ZNF550: variants seen among roughly 807,000 people sequenced by gnomAD.
The protein encoded by ZNF550 is zinc finger protein 550.
ZNF550 carries 42 observed loss-of-function variants against 40.2 expected under a neutral mutation model. That is an observed-to-expected ratio of 1.05 (90% CI 0.82 to 1.35). The LOEUF (loss-of-function observed/expected upper bound fraction) is 1.35, where lower values mean the gene tolerates loss of function less well. Among genes scored for constraint, ZNF550 ranks in the 40% most tolerant of loss-of-function variants. The pLI, the probability that ZNF550 is intolerant of heterozygous loss-of-function variation, is 0.00. For missense variants in ZNF550, 549 were observed against 525.2 expected (o/e 1.05, Z -0.44); for synonymous variants, 223 against 198.6 (o/e 1.12, Z -1.03).
chr19:57,556,838 G>C, intron 1 of ZNF550: 1 of 166,954 alleles, frequency 6.0e-6, no homozygotes, highest in Non-Finnish European at 1.3e-5. Context: ...TGTAACCCTA[G>C]CCCCAACCCT....
rs546650225 is a variant in ZNF550, at chr19:57,550,322, T to G, written c.250+2305A>C. The stretch of plus-strand genomic sequence containing the variant: ...GACTCCACCAGTCATCTCCTGGGTG[T>G]ATATGCAACAGAAATGAGTGTTTAT... On this transcript the variant is annotated intron_variant, in intron 3 of 4. Coordinates refer to ENST00000457177, the Ensembl canonical transcript of ZNF550. 5.3e-5 allele frequency among the ~76,000 whole-genome samples: 8 copies of G among 152,346 alleles called. No homozygotes were observed. In the South Asian group the frequency reaches 1.7e-3, roughly 32 times the overall value.
At chr19:57,547,506 G>T in exon 4 of ZNF550, 1 of 1,613,928 alleles carries the variant, frequency 6.2e-7, no homozygotes, top group Non-Finnish European at 8.5e-7. Context: ...AGTGCCGAAT[G>T]AGAGTTGAGC....
exon 4 of ZNF550, chr19:57,546,608 CAGAT>C (rs1450827422): frequency 7.5e-5 from 76 of 1,015,634 alleles, no homozygotes; most frequent in Middle Eastern, 9.8e-4. Context: ...TTATGATTCT[CAGAT>C]AGTAAGATTT....
chr19:57,555,552 TG>T (rs1482564951), intron 2 of ZNF550: 1 of 153,598 alleles, frequency 6.5e-6, no homozygotes, highest in Non-Finnish European at 1.4e-5. Context: ...TTGGCCAGGT[TG>T]GTATTGAACT....
At chr19:57,543,507 G>C (rs530242410) in intron 4 of ZNF550, 1 of 607,152 alleles carries the variant, frequency 1.6e-6, no homozygotes, top group African/African-American at 2.0e-5. Context: ...TGATTGAAGT[G>C]CACCAACTGT....
chr19:57,545,046 C>G (rs570307534), intron 4 of ZNF550, among the ~76,000 whole-genome samples: 1 of 152,120 alleles, frequency 6.6e-6, no homozygotes, highest in Non-Finnish European at 1.5e-5. Context: ...CGCTTGAACC[C>G]GGGAGGCAGA....
intron 1 of ZNF550, among the ~76,000 whole-genome samples, chr19:57,558,944 G>A (rs1016505890): frequency 2.6e-5 from 4 of 152,248 alleles, no homozygotes; most frequent in African/African-American, 9.6e-5. Flanking sequence ...AAAATATACT[G>A]TTAGTTGCAA....
intron 3 of ZNF550, among the ~76,000 whole-genome samples, chr19:57,551,447 G>A (rs1011673600): frequency 6.6e-6 from 1 of 151,338 alleles, no homozygotes; most frequent in Non-Finnish European, 1.5e-5. Context: ...AAGGAGCCAA[G>A]GGAAGCAGTG....
At chr19:57,547,274 A>G in exon 4 of ZNF550, 1 of 1,614,106 alleles carries the variant, frequency 6.2e-7, no homozygotes, top group Non-Finnish European at 8.5e-7. Context: ...CTATTGCTAA[A>G]GGCTTTCTCA....
chr19:57,547,163 G>A, exon 4 of ZNF550: 1 of 1,611,424 alleles, frequency 6.2e-7, no homozygotes, highest in Non-Finnish European at 8.5e-7. Context: ...ATCCGCTGGT[G>A]CTGTATGAGT....
At chr19:57,553,571 C>T (rs919310665) in intron 2 of ZNF550, 1 of 152,184 alleles carries the variant, frequency 6.6e-6, no homozygotes, top group African/African-American at 2.4e-5. Context: ...GCATGCAAAA[C>T]CATGCCTGGC....
At position 57,547,931 on chromosome 19, in the gene ZNF550, C is replaced by T. The variant is rs775390000; in HGVS notation, c.313G>A (p.Ala105Thr). The change falls in exon 4 of 5, where the codon GCC becomes ACC. Residue 105 changes from alanine to threonine, a missense_variant. Ala to Thr is a moderately conservative substitution (Grantham distance 58). Transcript: ENST00000457177. ...AGAGTCAGGCTTCCCCGGAGAAAGG[C>T]CCGCTCAGATAAGACTGGCGGGTAA... 5 of 1,614,156 alleles carry T rather than the reference C, an allele frequency of 3.1e-6. No individual in the cohort carries two copies. The East Asian group carries it at 1.1e-4, about 36-fold the overall frequency.
At position 57,547,664 on chromosome 19, in the gene ZNF550, C is replaced by T. The variant is rs78685508; in HGVS notation, c.580G>A (p.Ala194Thr). ...GGGTTTGTCCCTGCATGAATCAAGG[C>T]GTCTTTCCCTGGTTGCTGTGAGTCA... Residue 194 changes from alanine (A) to threonine (T), a missense_variant, in exon 4 of 5, where the codon GCC becomes ACC. By Grantham distance (58) the Ala-to-Thr change is moderately conservative. Transcript: ENST00000457177. 599 of 1,614,154 alleles carry T rather than the reference C, an allele frequency of 3.7e-4. 3 individuals are homozygous for T. In the African/African-American group the frequency reaches 7.1e-3, roughly 19 times the overall value.
chr19:57,552,747 T>C (rs878931726), intron 2 of ZNF550, 25 bp from the exon 3 acceptor site: 4 of 1,528,082 alleles, frequency 2.6e-6, no homozygotes, highest in South Asian at 2.3e-5. Flanking sequence ...AGAAATAGAA[T>C]AGGGGTAATT....
At chr19:57,553,046 T>C (rs1428752929) in intron 2 of ZNF550, 2 of 210,890 alleles carry the variant, frequency 9.5e-6, no homozygotes, top group African/African-American at 4.6e-5. Flanking sequence ...GAGAGAGATC[T>C]CTCCTCTGTC....
chr19:57,547,481 C>T lies in ZNF550; in HGVS notation c.763G>A (p.Gly255Arg), dbSNP rs767495002. Reference sequence around the variant, plus strand: ...TCAAGGCACTTGTATGGTTTCTCCCCGGTGTGGATGAGGTAGTGCCGAATG... The same window carrying T: ...TCAAGGCACTTGTATGGTTTCTCCCTGGTGTGGATGAGGTAGTGCCGAATG... The change falls in exon 4 of 5, where the codon GGG becomes AGG. Residue 255 changes from glycine (G) to arginine (R), a missense_variant. Transcript: ENST00000457177. The T allele has an allele frequency of 4.3e-6, 7 of 1,614,016 alleles. No individual in the cohort carries two copies. In the African/African-American group the frequency reaches 5.3e-5, roughly 12 times the overall value.
intron 4 of ZNF550, among the ~76,000 whole-genome samples, chr19:57,544,930 T>C (rs1461312559): frequency 6.6e-6 from 1 of 152,066 alleles, no homozygotes; most frequent in Non-Finnish European, 1.5e-5. Context: ...GAGACCAGCC[T>C]GGGCAACATG....
exon 1 of ZNF550, chr19:57,559,662 T>C: frequency 2.0e-6 from 3 of 1,508,208 alleles, no homozygotes; most frequent in Non-Finnish European, 2.7e-6. Context: ...TCACCTGCGC[T>C]GCGTCCTTCG....
upstream of ZNF550, among the ~76,000 whole-genome samples, chr19:57,560,265 A>C (rs534436167): frequency 3.3e-5 from 5 of 152,228 alleles, no homozygotes; most frequent in Non-Finnish European, 7.4e-5. Flanking sequence ...TGTCCCTGGG[A>C]CTGGCGTGGA....
Sources: gnomAD v4.1 joint callset for allele counts (sites outside exome capture counted in the v4.1 genomes callset) on GRCh38, gnomAD v4.1.1 for gene constraint, MANE v1.5 for transcripts, NCBI Gene and HGNC (gene_info 2026-07-23, HGNC 2026-07-21) for gene names.